The following DCDC1 variants were observed in gnomAD, a reference collection of about 807,000 sequenced individuals.
DCDC1 encodes the protein doublecortin domain containing 1.
DCDC1 carries 200 observed loss-of-function variants against 178.3 expected under a neutral mutation model. The ratio of observed to expected loss-of-function variants is 1.12; its 90% CI spans 1.00 to 1.26. The LOEUF is 1.26. Among genes scored for constraint, DCDC1 ranks in the 50% most tolerant of loss-of-function variants. The pLI is 0.00. For synonymous variants in DCDC1, 690 were observed against 604.8 expected (o/e 1.14, Z -2.07); for missense variants, 1,983 against 1,749.2 (o/e 1.13, Z -2.38).
At chr11:30,989,500 CTT>C (rs969789769) in intron 20 of DCDC1, among the ~76,000 whole-genome samples, 1 of 152,184 alleles carries the variant, frequency 6.6e-6, no homozygotes, top group African/African-American at 2.4e-5. Context: ...CTGTAGTCCT[CTT>C]TATCCTCACT....
chr11:31,262,963 G>A lies in DCDC1; in HGVS notation c.1054+2544C>T, dbSNP rs1421988878. The A allele has an allele frequency of 7.1e-6, 10 of 1,405,418 alleles. No homozygotes were observed. In the Admixed American group the frequency reaches 9.8e-5, roughly 14 times the overall value. The allele number at this position is 1,405,418 out of a possible 1,614,324, so 87.1% of individuals were successfully genotyped here. On this transcript the variant is annotated intron_variant, in intron 8 of 38. Coordinates refer to ENST00000684477, the MANE Select transcript of DCDC1 (RefSeq NM_001387274.1). ...TAAGGATGCAAAAACAGAGGGCAAGGCATGCATTAAAATGTGATAATAGCA... is the reference window on the plus strand; with the variant it reads ...TAAGGATGCAAAAACAGAGGGCAAGACATGCATTAAAATGTGATAATAGCA...
intron 1 of DCDC1, among the ~76,000 whole-genome samples, chr11:31,368,579 CTTTCATCTTTAGATTTTTAAACTTGCTTG>C (rs1049696370): frequency 6.6e-6 from 1 of 152,214 alleles, no homozygotes; most frequent in Non-Finnish European, 1.5e-5. Context: ...CTAATCTATG[CTTTCATCTTTAGATTTTTAAACTTGCTTG>C]TTTCATTCAG....
intron 7 of DCDC1, among the ~76,000 whole-genome samples, chr11:31,279,782 T>C (rs1591627400): frequency 6.6e-6 from 1 of 152,016 alleles, no homozygotes; most frequent in East Asian, 1.9e-4. Flanking sequence ...AAATACCTAA[T>C]GTAGATGACA....
At chr11:31,197,005 T>C (rs183718766) in intron 9 of DCDC1, among the ~76,000 whole-genome samples, 1,558 of 152,198 alleles carry the variant, frequency 0.01, 68 homozygotes, top group Admixed American at 0.081. Context: ...AATATTAAGA[T>C]TAAGAAAAGA....
At chr11:31,099,960 G>T (rs553338728) in intron 15 of DCDC1, among the ~76,000 whole-genome samples, 116 of 152,108 alleles carry the variant, frequency 7.6e-4, no homozygotes, top group Middle Eastern at 3.4e-3. Flanking sequence ...CTCCTGATCC[G>T]CCTGCCTTGG....
chr11:31,081,403 A>AT (rs1957158111), intron 17 of DCDC1, among the ~76,000 whole-genome samples: 1 of 152,090 alleles, frequency 6.6e-6, no homozygotes, highest in Non-Finnish European at 1.5e-5. Flanking sequence ...AGGTCAGGAG[A>AT]TTGAGATCAT....
chr11:31,188,244 C>T (rs948327250), intron 9 of DCDC1, among the ~76,000 whole-genome samples: 2 of 152,068 alleles, frequency 1.3e-5, no homozygotes, highest in African/African-American at 2.4e-5. Context: ...TAGTAAACGG[C>T]TTCCTGCTCT....
chr11:31,175,078 G>T (rs932108971), intron 9 of DCDC1, among the ~76,000 whole-genome samples: 2 of 152,222 alleles, frequency 1.3e-5, no homozygotes, highest in Admixed American at 1.3e-4. Flanking sequence ...CCTTCAAGGA[G>T]CCCAGACCTA....
intron 3 of DCDC1, among the ~76,000 whole-genome samples, chr11:31,322,635 G>T (rs185074529): frequency 6.6e-4 from 101 of 152,284 alleles, no homozygotes; most frequent in Non-Finnish European, 4.4e-5. Context: ...GGACATTGTT[G>T]AGTGAACATG....
Position 30,863,956 on chromosome 11 carries a change from A to T in DCDC1, c.*1417T>A, listed in dbSNP as rs1940809207. ...AGCTTGACCAACAAGGTGAAACCCC[A>T]TCTCTACTAAAAATACAAAAGTTAG... On this transcript the variant is annotated 3_prime_UTR_variant, in exon 39 of 39. Transcript: ENST00000684477. 6.6e-6 allele frequency: 1 copy of T among 152,138 alleles called. No individual in the cohort carries two copies. The highest frequency in any genetic ancestry group is 1.5e-5 in the Non-Finnish European group (1 of 68,040). 9.4% of individuals were successfully genotyped at this position (152,138 alleles called of 1,614,324 possible).
intron 17 of DCDC1, among the ~76,000 whole-genome samples, chr11:31,087,377 A>T (rs569520719): frequency 6.6e-6 from 1 of 150,626 alleles, no homozygotes; most frequent in East Asian, 2.0e-4. Context: ...TTATTATCCC[A>T]TTTCTTCTGC....
At chr11:30,927,927 T>TAA (rs34120455) in intron 22 of DCDC1, among the ~76,000 whole-genome samples, 2 of 151,990 alleles carry the variant, frequency 1.3e-5, no homozygotes, top group Admixed American at 6.6e-5. Flanking sequence ...CTTGATTTGG[T>TAA]AAAAAAATAC....
chr11:31,170,737 G>C (rs924359200), intron 9 of DCDC1, among the ~76,000 whole-genome samples: 2 of 152,146 alleles, frequency 1.3e-5, no homozygotes, highest in Non-Finnish European at 2.9e-5. Flanking sequence ...CCTACTATAG[G>C]TTTACTCTTT....
chr11:30,878,218 C>T (rs964281643), intron 38 of DCDC1, among the ~76,000 whole-genome samples: 2 of 151,932 alleles, frequency 1.3e-5, no homozygotes, highest in African/African-American at 4.8e-5. Flanking sequence ...TTTGTGATGT[C>T]GAGGTGGGAG....
At chr11:31,351,449 G>T (rs1304068817) in intron 1 of DCDC1, among the ~76,000 whole-genome samples, 16 of 152,050 alleles carry the variant, frequency 1.1e-4, no homozygotes, top group Admixed American at 9.2e-4. Context: ...ATAGGTAAAA[G>T]ATTATTGAAC....
intron 1 of DCDC1, among the ~76,000 whole-genome samples, chr11:31,340,865 T>G (rs1313312545): frequency 6.6e-6 from 1 of 152,138 alleles, no homozygotes; most frequent in Non-Finnish European, 1.5e-5. Flanking sequence ...TCTCTTCATA[T>G]ATATATGTAT....
At chr11:31,282,375 A>G (rs1946506997) in intron 7 of DCDC1, among the ~76,000 whole-genome samples, 1 of 151,586 alleles carries the variant, frequency 6.6e-6, no homozygotes, top group South Asian at 2.1e-4. Flanking sequence ...AGGGAGTTTA[A>G]TGTCTATCAA....
At chr11:30,997,031 A>C (rs978944197) in intron 20 of DCDC1, among the ~76,000 whole-genome samples, 1 of 152,246 alleles carries the variant, frequency 6.6e-6, no homozygotes, top group Non-Finnish European at 1.5e-5. Flanking sequence ...TGCACACAGC[A>C]ATATACATGA....
At chr11:31,315,584 C>T (rs1294405487) in intron 3 of DCDC1, among the ~76,000 whole-genome samples, 1 of 151,212 alleles carries the variant, frequency 6.6e-6, no homozygotes, top group Non-Finnish European at 1.5e-5. Context: ...GATCCGCCCA[C>T]CTGGGCCTCC....
Sources: allele counts gnomAD v4.1 joint callset (sites outside exome capture counted in the v4.1 genomes callset), GRCh38; gene constraint gnomAD v4.1.1; transcripts MANE v1.5; gene names NCBI Gene and HGNC (gene_info 2026-07-23, HGNC 2026-07-21).